The following MB21D2 variants were observed in gnomAD, a reference collection of about 807,000 sequenced individuals.
MB21D2 encodes the protein Mab-21 domain containing 2, also known as nucleotidyltransferase MB21D2.
Under a neutral mutation model 33.3 loss-of-function variants are expected in MB21D2, and 9 were observed. The observed-to-expected ratio is 0.27, with a 90% CI of 0.16 to 0.47. The LOEUF is 0.47. Ranked by LOEUF, MB21D2 falls within the 20% of genes least tolerant of loss-of-function variation. The pLI, the probability that MB21D2 is intolerant of heterozygous loss-of-function variation, is 0.99. For missense variants in MB21D2, 540 were observed against 624.6 expected (o/e 0.86, Z 1.44); for synonymous variants, 241 against 236.3 (o/e 1.02, Z -0.18).
intron 1 of MB21D2, among the ~76,000 whole-genome samples, chr3:192,809,336 C>T (rs896057790): frequency 6.6e-5 from 10 of 152,144 alleles, no homozygotes; most frequent in East Asian, 1.9e-4. Context: ...CCTCGTGATC[C>T]GCCTTGCCTA....
intron 1 of MB21D2, among the ~76,000 whole-genome samples, chr3:192,857,993 T>C (rs1712955486): frequency 6.6e-6 from 1 of 151,878 alleles, no homozygotes; most frequent in Non-Finnish European, 1.5e-5. Flanking sequence ...GGCATGGTGG[T>C]GCATGCCTGT....
Position 192,872,783 on chromosome 3 carries a change from A to G in MB21D2, c.211+44847T>C, listed in dbSNP as rs193240609. On this transcript the variant is annotated intron_variant, in intron 1 of 1. Transcript: ENST00000392452. ...AACATAACAAAACAATAGAAAATTA[A>G]TAACTCAAAAGCAGTGAGGTCCCCA... Among the ~76,000 whole-genome samples the G allele has an allele frequency of 5.1e-4, 77 of 152,246 alleles. No homozygotes were observed. In the East Asian group the frequency reaches 7.3e-3, roughly 14 times the overall value.
chr3:192,850,688 C>T (rs1239189145), intron 1 of MB21D2, among the ~76,000 whole-genome samples: 1 of 152,178 alleles, frequency 6.6e-6, no homozygotes, highest in Non-Finnish European at 1.5e-5. Context: ...GACTGGGAGC[C>T]CCGTCCCGTC....
intron 1 of MB21D2, among the ~76,000 whole-genome samples, chr3:192,838,858 AAG>A (rs1278000668): frequency 6.6e-6 from 1 of 152,210 alleles, no homozygotes; most frequent in East Asian, 1.9e-4. Flanking sequence ...GCAGGGATAG[AAG>A]AGAGAACCCA....
intron 1 of MB21D2, among the ~76,000 whole-genome samples, chr3:192,849,528 G>A (rs1245741765): frequency 6.6e-6 from 1 of 152,164 alleles, no homozygotes; most frequent in Admixed American, 6.5e-5. Flanking sequence ...ATGTTGGTCA[G>A]GCTGGTCTTG....
rs561763947 is a variant in MB21D2, at chr3:192,913,900, T to C, written c.211+3730A>G. 4.6e-5 allele frequency among the ~76,000 whole-genome samples: 7 copies of C among 152,224 alleles called. No individual in the cohort carries two copies. In the East Asian group the frequency reaches 1.2e-3, roughly 25 times the overall value. On this transcript the variant is annotated intron_variant, in intron 1 of 1. Transcript: ENST00000392452. ...GGCAGACTGGGAATGAAACTATAGA[T>C]TTTAACATTTTATTATAATTACTAT...
chr3:192,901,418 A>C (rs1428199647), intron 1 of MB21D2, among the ~76,000 whole-genome samples: 12 of 150,752 alleles, frequency 8.0e-5, no homozygotes, highest in African/African-American at 1.9e-4. Flanking sequence ...AAATTCAAAA[A>C]AAAAAAAAAA....
At chr3:192,903,366 T>A (rs1714143459) in intron 1 of MB21D2, among the ~76,000 whole-genome samples, 2 of 152,300 alleles carry the variant, frequency 1.3e-5, no homozygotes, top group East Asian at 3.9e-4. Flanking sequence ...AGGGAGGAAG[T>A]CAAGCCACCT....
intron 1 of MB21D2, among the ~76,000 whole-genome samples, chr3:192,857,858 C>G (rs894255776): frequency 6.6e-5 from 10 of 152,168 alleles, no homozygotes; most frequent in African/African-American, 2.4e-4. Context: ...GGCGCAGTGG[C>G]TCACACCTGT....
chr3:192,892,725 G>C (rs1032722916), intron 1 of MB21D2, among the ~76,000 whole-genome samples: 13 of 152,290 alleles, frequency 8.5e-5, no homozygotes, highest in African/African-American at 3.1e-4. Flanking sequence ...TTACAGACGT[G>C]AGCCACCGCG....
In MB21D2 at chr3:192,797,085, A is replaced by G. The variant is rs1399268037; in HGVS notation, c.*1301T>C. The G allele has an allele frequency of 6.6e-6, 1 of 152,610 alleles. No individual in the cohort carries two copies. Among genetic ancestry groups the G allele is most frequent in the African/African-American group, 2.4e-5 (1 of 41,432 alleles). 9.5% of individuals were successfully genotyped at this position (152,610 alleles called of 1,614,324 possible). On this transcript the variant is annotated 3_prime_UTR_variant, in exon 2 of 2. Transcript: ENST00000392452. ...CTGACCTCTTAAACACCAGCTTGCC[A>G]TGAGTCCACACCAAAACAGGGAGCC...
At chr3:192,864,986 G>A (rs764527106) in intron 1 of MB21D2, among the ~76,000 whole-genome samples, 5 of 152,172 alleles carry the variant, frequency 3.3e-5, no homozygotes, top group African/African-American at 9.7e-5. Context: ...AAACCAGACA[G>A]AAGACATCTC....
chr3:192,909,761 T>A (rs10937561), intron 1 of MB21D2, among the ~76,000 whole-genome samples: 68,347 of 150,972 alleles, frequency 0.45, 17,830 homozygotes, highest in Non-Finnish European at 0.58. Context: ...CGAAACCCCA[T>A]CTCTACTAAA....
intron 1 of MB21D2, among the ~76,000 whole-genome samples, chr3:192,852,269 C>T (rs568541217): frequency 6.6e-6 from 1 of 152,348 alleles, no homozygotes; most frequent in Non-Finnish European, 1.5e-5. Context: ...TATGGTCACT[C>T]TTCAATCGAT....
At chr3:192,876,041 GTAAAT>G (rs1383336593) in intron 1 of MB21D2, among the ~76,000 whole-genome samples, 13 of 152,134 alleles carry the variant, frequency 8.5e-5, no homozygotes, top group Admixed American at 5.9e-4. Flanking sequence ...TTCCTCATGT[GTAAAT>G]TAAAGGTCCC....
intron 1 of MB21D2, among the ~76,000 whole-genome samples, chr3:192,836,612 G>A (rs754499567): frequency 6.4e-4 from 98 of 152,262 alleles, no homozygotes; most frequent in African/African-American, 2.2e-3. Context: ...TGCAAGCCAC[G>A]GAGAGGGGCC....
At chr3:192,818,819 A>T (rs1711982243) in intron 1 of MB21D2, among the ~76,000 whole-genome samples, 1 of 152,140 alleles carries the variant, frequency 6.6e-6, no homozygotes, top group Non-Finnish European at 1.5e-5. Flanking sequence ...AGGAATATAT[A>T]TACTATATTG....
chr3:192,900,164 G>A (rs1714063035), intron 1 of MB21D2, among the ~76,000 whole-genome samples: 1 of 151,594 alleles, frequency 6.6e-6, no homozygotes, highest in Admixed American at 6.6e-5. Context: ...GGCGCCTGTA[G>A]TCCCAGCTAC....
chr3:192,915,690 A>G (rs1260113723), intron 1 of MB21D2, among the ~76,000 whole-genome samples: 2 of 152,202 alleles, frequency 1.3e-5, no homozygotes, highest in Non-Finnish European at 2.9e-5. Flanking sequence ...GCAAAAATTA[A>G]GCACCCTAGA....
Sources: gnomAD v4.1 joint callset for allele counts (sites outside exome capture counted in the v4.1 genomes callset) on GRCh38, gnomAD v4.1.1 for gene constraint, MANE v1.5 for transcripts, NCBI Gene and HGNC (gene_info 2026-07-23, HGNC 2026-07-21) for gene names.